MYH9: variants seen among roughly 807,000 people sequenced by gnomAD.
MYH9 encodes myosin-9.
Under a neutral mutation model 241.9 loss-of-function variants are expected in MYH9, and 29 were observed. The observed-to-expected ratio is 0.12, with a 90% CI of 0.09 to 0.16. The LOEUF is 0.16. Among genes scored for constraint, MYH9 ranks in the 10% least tolerant of loss-of-function variants. The pLI is 1.00. For synonymous variants in MYH9, 1,047 were observed against 1,062.6 expected (o/e 0.99, Z 0.29); for missense variants, 1,803 against 2,595.5 (o/e 0.69, Z 6.63).
chr22:36,318,179 C>G, intron 11 of MYH9, 28 bp downstream of exon 11: 3 of 1,598,692 alleles, frequency 1.9e-6, no homozygotes, highest in Non-Finnish European at 2.6e-6. Context: ...CAGGAGGCAG[C>G]CAGCTGCCCT....
intron 7 of MYH9, 43 bp downstream of exon 7, chr22:36,321,715 C>A: frequency 6.4e-7 from 1 of 1,574,776 alleles, no homozygotes; most frequent in South Asian, 1.1e-5. Flanking sequence ...TCATGCCTCC[C>A]CTCCGGATCC....
At chr22:36,319,716 T>G (rs2017219457) in intron 9 of MYH9, 81 bp from the exon 10 acceptor site, 1 of 1,383,740 alleles carries the variant, frequency 7.2e-7, no homozygotes. Flanking sequence ...CATCTAGGGA[T>G]CCTCAAGCCA....
chr22:36,361,770 G>A (rs1855207686), intron 1 of MYH9, among the ~76,000 whole-genome samples: 1 of 152,104 alleles, frequency 6.6e-6, no homozygotes, highest in Non-Finnish European at 1.5e-5. Context: ...CATCAGATTT[G>A]TATTTTAAAG....
chr22:36,295,741 A>T lies in MYH9; in HGVS notation c.3273-24T>A. On this transcript the variant is annotated intron_variant, in intron 25 of 40. Coordinates refer to ENST00000216181, the MANE Select transcript of MYH9 (RefSeq NM_002473.6). This position sits in a 1 kb window ranked among gnomAD's most constrained non-coding sequence, Gnocchi z 4.1. ...CTCTGCCAAAGCGACCAGCAACATC[A>T]GTATAAGGAGAGTTTCACCTCCAAG... 1 of 1,602,568 alleles carries T rather than the reference A, an allele frequency of 6.2e-7. No homozygotes were observed. The highest frequency in any genetic ancestry group is 8.5e-7 in the Non-Finnish European group (1 of 1,173,304).
intron 3 of MYH9, among the ~76,000 whole-genome samples, chr22:36,335,239 C>G (rs2017480604): frequency 6.6e-6 from 1 of 152,220 alleles, no homozygotes; most frequent in Admixed American, 6.5e-5. Flanking sequence ...GAGTGCCCGG[C>G]ACACACACAG....
chr22:36,373,916 T>A (rs2018125484), intron 1 of MYH9, among the ~76,000 whole-genome samples: 1 of 152,198 alleles, frequency 6.6e-6, no homozygotes, highest in Non-Finnish European at 1.5e-5. Context: ...ACAGTCTCCA[T>A]TCTGCTTACA....
chr22:36,289,375 G>A, intron 31 of MYH9, 78 bp from the exon 32 acceptor site: 1 of 1,404,182 alleles, frequency 7.1e-7, no homozygotes, highest in Non-Finnish European at 9.8e-7. Context: ...AAGCTCCCTG[G>A]GGAAGGAGGA....
Position 36,293,510 on chromosome 22 carries a change from G to A in MYH9, c.3943-29C>T. On this transcript the variant is annotated intron_variant, in intron 29 of 40. Coordinates refer to ENST00000216181, the MANE Select transcript of MYH9 (RefSeq NM_002473.6). This position sits in a 1 kb window ranked among gnomAD's most constrained non-coding sequence, Gnocchi z 5.1. ...CTCGCGGGTTGAGAGGGGTGCGGGT[G>A]CTTAGGAGGGTGGTGTCCAAAACCC... 6.2e-7 allele frequency: 1 copy of A among 1,610,522 alleles called. No individual in the cohort carries two copies. Among genetic ancestry groups the A allele is most frequent in the Non-Finnish European group, 8.5e-7 (1 of 1,179,968 alleles).
intron 1 of MYH9, among the ~76,000 whole-genome samples, chr22:36,377,195 C>T (rs1184598782): frequency 6.6e-6 from 1 of 152,186 alleles, no homozygotes. Context: ...CCTTTGACCT[C>T]CTCACCCGCA....
At chr22:36,352,333 C>T (rs1277016770) in intron 1 of MYH9, among the ~76,000 whole-genome samples, 1 of 152,236 alleles carries the variant, frequency 6.6e-6, no homozygotes, top group Non-Finnish European at 1.5e-5. Flanking sequence ...CGTTAGAACT[C>T]AAGATTTACT....
chr22:36,364,129 C>G (rs2017974978), intron 1 of MYH9, among the ~76,000 whole-genome samples: 1 of 152,208 alleles, frequency 6.6e-6, no homozygotes, highest in African/African-American at 2.4e-5. Flanking sequence ...AGACCAGAAA[C>G]AGAAGATCAC....
rs561093768 is a variant in MYH9 at position 36,322,599 on chromosome 22, G to T, written c.613-78C>A. On this transcript the variant is annotated intron_variant, in intron 5 of 40. Transcript: ENST00000216181. ...AGCCTGCCCTGCCTGGAAGGGGGAC[G>T]ATGGCAGAGCCGTGTCAGCATGTCC... The T allele has an allele frequency of 4.3e-6, 6 of 1,397,952 alleles. No homozygotes were observed. The African/African-American group carries it at 5.7e-5, about 13-fold the overall frequency. 86.6% of individuals were successfully genotyped at this position (1,397,952 alleles called of 1,614,324 possible).
chr22:36,295,416 G>T lies in MYH9; in HGVS notation c.3485+89C>A. On this transcript the variant is annotated intron_variant, in intron 26 of 40. Coordinates refer to ENST00000216181, the MANE Select transcript of MYH9 (RefSeq NM_002473.6). This position sits in a 1 kb window ranked among gnomAD's most constrained non-coding sequence, Gnocchi z 4.1. ...AGAGGGCCACGGTGTGTGTGTGTGTGTGTGTGCAGAGGCCCGGGGTCCATG... is the reference window on the plus strand; with the variant it reads ...AGAGGGCCACGGTGTGTGTGTGTGTTTGTGTGCAGAGGCCCGGGGTCCATG... The T allele has an allele frequency of 9.8e-7, 1 of 1,017,300 alleles. No homozygotes were observed. The highest frequency in any genetic ancestry group is 1.5e-6 in the Non-Finnish European group (1 of 662,566). The allele number at this position is 1,017,300 out of a possible 1,614,324, so 63.0% of individuals were successfully genotyped here.
chr22:36,285,445 TG>T lies in MYH9; in HGVS notation c.5275-117del. Reference sequence around the variant, plus strand: ...ACCAAACCCTTGGGGTCCAGAGTCTTGGGTCTCCCAGAAAAGGGAAGATTAG... The same window carrying T: ...ACCAAACCCTTGGGGTCCAGAGTCTTGGTCTCCCAGAAAAGGGAAGATTAG... On this transcript the variant is annotated intron_variant, in intron 37 of 40. Transcript: ENST00000216181. This position sits in a 1 kb window ranked among gnomAD's most constrained non-coding sequence, Gnocchi z 7.0. 2 of 1,349,104 alleles carry T rather than the reference TG, an allele frequency of 1.5e-6. No individual in the cohort carries two copies. The highest frequency in any genetic ancestry group is 2.3e-5 in the East Asian group (1 of 43,420). 83.6% of individuals were successfully genotyped at this position (1,349,104 alleles called of 1,614,324 possible).
At chr22:36,379,929 G>A (rs1200634278) in intron 1 of MYH9, among the ~76,000 whole-genome samples, 2 of 152,242 alleles carry the variant, frequency 1.3e-5, no homozygotes, top group Non-Finnish European at 2.9e-5. Context: ...AATTCCAACA[G>A]AAGCCTAGGT....
chr22:36,323,566 C>T (rs2017289423), intron 5 of MYH9, among the ~76,000 whole-genome samples: 1 of 152,146 alleles, frequency 6.6e-6, no homozygotes. Flanking sequence ...ACAAGGAGAA[C>T]TAGGAGGAGT....
rs1347242236 is a variant in MYH9 at position 36,306,303 on chromosome 22, G to C, written c.2037+111C>G. ...CCACCCTGCAGAGAAACGACTGAAG[G>C]CTCTGTGCATGCTGGGGGGCTGGAG... On this transcript the variant is annotated intron_variant, in intron 16 of 40. Transcript: ENST00000216181. The surrounding 1 kb of genome is among the most constrained non-coding windows in gnomAD (Gnocchi z 4.1). 2.1e-6 allele frequency: 3 copies of C among 1,416,908 alleles called. No individual in the cohort carries two copies. Among genetic ancestry groups the C allele is most frequent in the Non-Finnish European group, 2.9e-6 (3 of 1,026,768 alleles). 87.8% of individuals were successfully genotyped at this position (1,416,908 alleles called of 1,614,324 possible).
At chr22:36,309,121 G>C (rs111971907) in intron 15 of MYH9, among the ~76,000 whole-genome samples, 161 bp downstream of exon 15, 1 of 152,208 alleles carries the variant, frequency 6.6e-6, no homozygotes, top group African/African-American at 2.4e-5. Flanking sequence ...GTTTCGGTCC[G>C]AGGAGCCCTC....
Position 36,282,427 on chromosome 22 carries a change from G to A in MYH9, c.*241C>T, listed in dbSNP as rs959781651. 1.9e-5 allele frequency: 12 copies of A among 631,304 alleles called. No homozygotes were observed. In the African/African-American group the frequency reaches 2.2e-4, roughly 11 times the overall value. The allele number at this position is 631,304 out of a possible 1,614,324, so 39.1% of individuals were successfully genotyped here. On this transcript the variant is annotated 3_prime_UTR_variant, in exon 41 of 41. Transcript: ENST00000216181. ...CTGGTCGCTCTCTGCCTGGGCCCGG[G>A]CCCTGTCTCTTTGGTATCAGATTCT... is the stretch of plus-strand genomic sequence containing the variant.
Sources: gnomAD v4.1 joint callset for allele counts (sites outside exome capture counted in the v4.1 genomes callset) on GRCh38, gnomAD v4.1.1 for gene constraint, Gnocchi (gnomAD v3.1) non-coding constraint, MANE v1.5 for transcripts, NCBI Gene and HGNC (gene_info 2026-07-23, HGNC 2026-07-21) for gene names.